Variants in LMX1A observed in about 807,000 individuals in gnomAD.
LMX1A encodes LIM homeobox transcription factor 1-alpha.
A neutral mutation model predicts 49.1 loss-of-function variants in LMX1A; 15 were observed. That is an observed-to-expected ratio of 0.31 (90% CI 0.20 to 0.47). The LOEUF (loss-of-function observed/expected upper bound fraction) is 0.47. LMX1A is among the 20% of genes least tolerant of loss of function. LMX1A has a pLI of 1.00. For missense variants in LMX1A, 372 were observed against 475.8 expected, an observed-to-expected ratio of 0.78 and a Z score of 2.03; for synonymous variants, 167 against 185.7, an observed-to-expected ratio of 0.90 and a Z score of 0.82.
chr1:165,203,813 C>A lies in LMX1A; in HGVS notation c.*67G>T, dbSNP rs921391665. On this transcript the variant is annotated 3_prime_UTR_variant, in exon 9 of 9. Coordinates refer to ENST00000342310, the MANE Select transcript of LMX1A (RefSeq NM_177398.4). ...CTTCCCTGGCCTCCCTGTCCTAAAGCCAGTGACCCCTCAAAGAATATGGTT... is the reference window on the plus strand; with the variant it reads ...CTTCCCTGGCCTCCCTGTCCTAAAGACAGTGACCCCTCAAAGAATATGGTT... 1 of 1,534,260 alleles carries A rather than the reference C, an allele frequency of 6.5e-7. No individual in the cohort carries two copies. The highest frequency in any genetic ancestry group is 1.4e-5 in the African/African-American group (1 of 73,222).
intron 4 of LMX1A, among the ~76,000 whole-genome samples, chr1:165,238,482 T>G (rs1652530135): frequency 2.0e-5 from 3 of 152,220 alleles, no homozygotes; most frequent in Non-Finnish European, 4.4e-5. Context: ...TGTCTTTAGA[T>G]CCTTCAAAGC....
chr1:165,239,079 G>C (rs75367168), intron 4 of LMX1A, among the ~76,000 whole-genome samples: 151,878 of 152,320 alleles, frequency 1, 75,718 homozygotes, highest in Middle Eastern at 1. Flanking sequence ...AAAAAATCAT[G>C]ATGTGATCAT....
intron 3 of LMX1A, among the ~76,000 whole-genome samples, chr1:165,349,682 T>A (rs1342619902): frequency 6.6e-6 from 1 of 152,208 alleles, no homozygotes; most frequent in African/African-American, 2.4e-5. Flanking sequence ...AGAAAAATAC[T>A]TAATAAAACG....
chr1:165,340,447 C>T (rs1656040249), intron 3 of LMX1A, among the ~76,000 whole-genome samples: 1 of 152,108 alleles, frequency 6.6e-6, no homozygotes, highest in Admixed American at 6.5e-5. Context: ...TTGAAATTCC[C>T]TACTACTGCC....
At chr1:165,294,569 A>G (rs1313761357) in intron 3 of LMX1A, among the ~76,000 whole-genome samples, 1 of 152,246 alleles carries the variant, frequency 6.6e-6, no homozygotes, top group Non-Finnish European at 1.5e-5. Context: ...CTCTTCTAAT[A>G]ATTTAAGTTA....
intron 3 of LMX1A, among the ~76,000 whole-genome samples, chr1:165,288,216 T>G (rs112201389): frequency 1.3e-5 from 2 of 152,008 alleles, no homozygotes; most frequent in Non-Finnish European, 2.9e-5. Flanking sequence ...CCTGCTTGGA[T>G]GAGGAAGTGA....
chr1:165,203,988 G>A lies in LMX1A; in HGVS notation c.1041C>T (p.Asn347=), dbSNP rs895015619. ...AGGTTGCTAGGAAACAATCACCCAG[G>A]TTACTGAGGGAGGTGTCGTCGCTAT... The part of the protein sequence containing the change: ...DLDSDDTSLS[N]LGDCFLATSE... The change falls in exon 9 of 9, where the codon AAC becomes AAT. Residue 347 remains asparagine, a synonymous_variant. Transcript: ENST00000342310. 1 of 1,614,154 alleles carries A rather than the reference G, an allele frequency of 6.2e-7. No homozygotes were observed. Among genetic ancestry groups the A allele is most frequent in the African/African-American group, 1.3e-5 (1 of 75,036 alleles).
At chr1:165,329,255 A>T (rs1175720571) in intron 3 of LMX1A, among the ~76,000 whole-genome samples, 1 of 152,142 alleles carries the variant, frequency 6.6e-6, no homozygotes, top group Non-Finnish European at 1.5e-5. Flanking sequence ...GCATGGGGAA[A>T]CCACTCCCAT....
intron 3 of LMX1A, among the ~76,000 whole-genome samples, chr1:165,309,103 C>T (rs1248254130): frequency 6.6e-6 from 1 of 152,064 alleles, no homozygotes; most frequent in Non-Finnish European, 1.5e-5. Flanking sequence ...AGGGGAGCCC[C>T]CTCCCCGCCC....
chr1:165,211,287 C>T, intron 5 of LMX1A: 1 of 152,366 alleles, frequency 6.6e-6, no homozygotes, highest in Non-Finnish European at 1.5e-5. Flanking sequence ...CCCAAGTGAG[C>T]CCTGCCCAAA....
intron 8 of LMX1A, 78 bp downstream of exon 8, chr1:165,205,786 C>G: frequency 1.5e-6 from 2 of 1,360,696 alleles, no homozygotes; most frequent in Admixed American, 1.9e-5. Flanking sequence ...CATCTGGGAA[C>G]TGCCTAGATG....
intron 4 of LMX1A, among the ~76,000 whole-genome samples, chr1:165,227,516 G>C (rs553047823): frequency 6.7e-6 from 1 of 148,410 alleles, no homozygotes; most frequent in South Asian, 2.1e-4. Context: ...ACTCCAGCCT[G>C]GGCAACAGAG....
At chr1:165,234,350 T>C (rs1652350823) in intron 4 of LMX1A, among the ~76,000 whole-genome samples, 2 of 152,220 alleles carry the variant, frequency 1.3e-5, no homozygotes, top group African/African-American at 4.8e-5. Flanking sequence ...AAACCTTTTC[T>C]AAATAGTTCC....
intron 3 of LMX1A, among the ~76,000 whole-genome samples, chr1:165,310,563 C>T (rs981602457): frequency 1.6e-4 from 24 of 152,246 alleles, no homozygotes; most frequent in Admixed American, 2.6e-4. Context: ...GCCAATCTGG[C>T]TCTCTGTGCA....
intron 3 of LMX1A, among the ~76,000 whole-genome samples, chr1:165,275,529 T>C (rs1213117577): frequency 6.6e-6 from 1 of 152,198 alleles, no homozygotes; most frequent in African/African-American, 2.4e-5. Context: ...CATAGACCCT[T>C]CCTTCCCATA....
intron 4 of LMX1A, among the ~76,000 whole-genome samples, chr1:165,231,855 A>C (rs949386810): frequency 3.3e-5 from 5 of 152,142 alleles, no homozygotes; most frequent in Admixed American, 6.6e-5. Flanking sequence ...AGGCAAGTTT[A>C]TCTCAACTTT....
intron 3 of LMX1A, among the ~76,000 whole-genome samples, chr1:165,328,454 C>G (rs910389191): frequency 6.6e-6 from 1 of 152,206 alleles, no homozygotes; most frequent in Non-Finnish European, 1.5e-5. Context: ...CTGCAGCACT[C>G]CCACCTACCT....
chr1:165,229,102 C>T (rs935379096), intron 4 of LMX1A, among the ~76,000 whole-genome samples: 1 of 151,746 alleles, frequency 6.6e-6, no homozygotes, highest in Non-Finnish European at 1.5e-5. Flanking sequence ...TAAAATATGT[C>T]ATTATTTTAT....
At chr1:165,291,931 G>T (rs941779418) in intron 3 of LMX1A, among the ~76,000 whole-genome samples, 1 of 151,944 alleles carries the variant, frequency 6.6e-6, no homozygotes, top group Non-Finnish European at 1.5e-5. Flanking sequence ...GCATGGTGGC[G>T]CGCGCTTGTA....
Sources: gnomAD v4.1 joint callset for allele counts (sites outside exome capture counted in the v4.1 genomes callset) on GRCh38, gnomAD v4.1.1 for gene constraint, MANE v1.5 for transcripts, NCBI Gene and HGNC (gene_info 2026-07-23, HGNC 2026-07-21) for gene names.